Variants in GLIPR1 observed in about 807,000 individuals in gnomAD.
GLIPR1 encodes the protein glioma pathogenesis-related protein 1.
GLIPR1 carries 38 observed loss-of-function variants against 30.3 expected under a neutral mutation model. The ratio of observed to expected loss-of-function variants is 1.26; its 90% CI spans 0.97 to 1.65. The LOEUF (loss-of-function observed/expected upper bound fraction) is 1.65, where lower values mean the gene tolerates loss of function less well. Ranked by LOEUF, GLIPR1 falls within the 40% of genes most tolerant of loss-of-function variation. The pLI, the probability that GLIPR1 is intolerant of heterozygous loss-of-function variation, is 0.00. For synonymous variants in GLIPR1, 122 were observed against 110.6 expected, an observed-to-expected ratio of 1.10 and a Z score of -0.65; for missense variants, 285 against 326.5, an observed-to-expected ratio of 0.87 and a Z score of 0.98.
Position 75,500,042 on chromosome 12 carries a change from G to C in GLIPR1, c.*1064G>C. On this transcript the variant is annotated 3_prime_UTR_variant, in exon 6 of 6. Transcript: ENST00000266659. ...TGTTTAACAAAGAATATATGTTTAA[G>C]GCAGTTAACTTCAGAGTATTCTTAT... 1 of 974,694 alleles carries C rather than the reference G, an allele frequency of 1.0e-6. No individual in the cohort carries two copies. Among genetic ancestry groups the C allele is most frequent in the Non-Finnish European group, 1.5e-6 (1 of 670,984 alleles). The allele number at this position is 974,694 out of a possible 1,614,324, so 60.4% of individuals were successfully genotyped here. A position where few individuals can be genotyped will look rare whatever the true frequency, so the allele number is the denominator to read the frequency against.
intron 4 of GLIPR1, chr12:75,498,442 A>AT: frequency 2.8e-6 from 1 of 363,120 alleles, no homozygotes; most frequent in Non-Finnish European, 4.9e-6. Context: ...GTGTAAAATG[A>AT]TTTTCCATTT....
chr12:75,484,252 C>T (rs190519755), intron 2 of GLIPR1: 77 of 152,280 alleles, frequency 5.1e-4, no homozygotes, highest in African/African-American at 1.8e-3. Flanking sequence ...GGAGAATGTC[C>T]AAGAACCCCC....
chr12:75,501,556 A>AAATT lies in GLIPR1; in HGVS notation c.*2580_*2583dup, dbSNP rs2046394176. The AAATT allele has an allele frequency of 1.7e-6, 1 of 583,586 alleles. No individual in the cohort carries two copies. Among genetic ancestry groups the AAATT allele is most frequent in the African/African-American group, 1.9e-5 (1 of 53,540 alleles). The allele number at this position is 583,586 out of a possible 1,614,324, so 36.2% of individuals were successfully genotyped here. A position where few individuals can be genotyped will look rare whatever the true frequency, so the allele number is the denominator to read the frequency against. On this transcript the variant is annotated 3_prime_UTR_variant, in exon 6 of 6. Transcript: ENST00000266659. ...ACTGAAATAGGCATTAGCTGCCTCTAAATTATAAATTATCTCAGCCATCCC... is the reference window on the plus strand; with the variant it reads ...ACTGAAATAGGCATTAGCTGCCTCTAAATTAATTATAAATTATCTCAGCCATCCC...
intron 5 of GLIPR1, 33 bp from the exon 6 acceptor site, chr12:75,498,791 T>A: frequency 4.3e-6 from 7 of 1,611,082 alleles, no homozygotes; most frequent in Non-Finnish European, 5.9e-6. Context: ...TGAGGAACAA[T>A]GTCTAAGAGG....
rs1167853251 is a variant in GLIPR1, at chr12:75,503,830, C to G, written c.*4852C>G. Reference sequence around the variant, plus strand: ...ATATACACATATCCCACCTGAAATACTTTCAATAAAGTTTCTGACCAAATA... The same window carrying G: ...ATATACACATATCCCACCTGAAATAGTTTCAATAAAGTTTCTGACCAAATA... On this transcript the variant is annotated 3_prime_UTR_variant, in exon 6 of 6. Coordinates refer to ENST00000266659, the MANE Select transcript of GLIPR1 (RefSeq NM_006851.3). 1 of 1,331,862 alleles carries G rather than the reference C, an allele frequency of 7.5e-7. No homozygotes were observed. The allele number at this position is 1,331,862 out of a possible 1,614,324, so 82.5% of individuals were successfully genotyped here. A position where few individuals can be genotyped will look rare whatever the true frequency, so the allele number is the denominator to read the frequency against.
intron 2 of GLIPR1, chr12:75,483,964 G>C (rs1208831630): frequency 6.6e-6 from 1 of 151,874 alleles, no homozygotes; most frequent in African/African-American, 2.4e-5. Flanking sequence ...ACCATTCCAG[G>C]AAATCGAAAG....
chr12:75,501,868 A>ATTCAAGTATC lies in GLIPR1; in HGVS notation c.*2892_*2901dup, dbSNP rs752217051. The ATTCAAGTATC allele has an allele frequency of 6.3e-7, 1 of 1,580,748 alleles. No homozygotes were observed. The highest frequency in any genetic ancestry group is 1.4e-5 in the African/African-American group (1 of 74,070). On this transcript the variant is annotated 3_prime_UTR_variant, in exon 6 of 6. Transcript: ENST00000266659. ...AGTTAAATGTATTTATAGTTAAATA[A>ATTCAAGTATC]TTCAAGTATCTATGAACTTTGCTAT...
In GLIPR1 at chr12:75,499,943, C is replaced by T; in HGVS notation, c.*965C>T. 6.3e-7 allele frequency: 1 copy of T among 1,599,220 alleles called. No individual in the cohort carries two copies. The highest frequency in any genetic ancestry group is 1.1e-5 in the South Asian group (1 of 87,864). On this transcript the variant is annotated 3_prime_UTR_variant, in exon 6 of 6. Transcript: ENST00000266659. ...ATGCTGGCCACATCAATTTTAGTTT[C>T]AGTAGAAGCTAGACAAATTAAAAGC...
At chr12:75,490,343 C>A in intron 2 of GLIPR1, 63 bp from the exon 3 acceptor site, 1 of 907,778 alleles carries the variant, frequency 1.1e-6, no homozygotes, top group Non-Finnish European at 1.8e-6. Flanking sequence ...TTTATGAAGA[C>A]CTAATCATAC....
Position 75,501,888 on chromosome 12 carries a change from T to G in GLIPR1, c.*2910T>G. ...AAATAATTCAAGTATCTATGAACTT[T>G]GCTATTCATGTGAGCCAGACATAAA... On this transcript the variant is annotated 3_prime_UTR_variant, in exon 6 of 6. Coordinates refer to ENST00000266659, the MANE Select transcript of GLIPR1 (RefSeq NM_006851.3). 1 of 1,595,934 alleles carries G rather than the reference T, an allele frequency of 6.3e-7. No homozygotes were observed.
intron 2 of GLIPR1, among the ~76,000 whole-genome samples, chr12:75,489,552 C>T (rs1425244376): frequency 6.6e-6 from 1 of 152,078 alleles, no homozygotes; most frequent in East Asian, 1.9e-4. Context: ...CACGCTCCCA[C>T]CTACCCTCCT....
At chr12:75,487,729 C>A (rs988515078) in intron 2 of GLIPR1, 29 of 455,670 alleles carry the variant, frequency 6.4e-5, no homozygotes. Flanking sequence ...ACTTCCTACT[C>A]TCCCTCCAGG....
At chr12:75,486,923 A>G (rs2046296157) in intron 2 of GLIPR1, among the ~76,000 whole-genome samples, 1 of 152,174 alleles carries the variant, frequency 6.6e-6, no homozygotes, top group Admixed American at 6.5e-5. Flanking sequence ...ATTCATAGAA[A>G]TGTACATCTA....
rs1254553489 is a variant in GLIPR1, at chr12:75,503,408, T to C, written c.*4430T>C. On this transcript the variant is annotated 3_prime_UTR_variant, in exon 6 of 6. Transcript: ENST00000266659. ...CTTTGCTGAGAAGGTGGGACAGAAG[T>C]AAAAAGGGGCATGAATCAAAACAAT... 6.6e-6 allele frequency: 1 copy of C among 151,772 alleles called. No individual in the cohort carries two copies. The highest frequency in any genetic ancestry group is 1.5e-5 in the Non-Finnish European group (1 of 67,914). The allele number at this position is 151,772 out of a possible 1,614,324, so 9.4% of individuals were successfully genotyped here. A position where few individuals can be genotyped will look rare whatever the true frequency, so the allele number is the denominator to read the frequency against.
intron 2 of GLIPR1, among the ~76,000 whole-genome samples, chr12:75,489,417 T>C (rs1279958498): frequency 6.6e-6 from 1 of 152,214 alleles, no homozygotes; most frequent in Non-Finnish European, 1.5e-5. Flanking sequence ...CTAATCTTGC[T>C]CCATGTCTTC....
intron 3 of GLIPR1, chr12:75,492,897 G>A (rs1160509304): frequency 6.6e-6 from 1 of 152,158 alleles, no homozygotes; most frequent in Non-Finnish European, 1.5e-5. Context: ...ACTATCAATA[G>A]GCAAGGCCCC....
rs189455615 is a variant in GLIPR1, at chr12:75,483,087, C to T, written c.420+1008C>T. Among the ~76,000 whole-genome samples the T allele has an allele frequency of 2.4e-3, 314 of 132,004 alleles. 3 individuals are homozygous for T. The highest frequency in any genetic ancestry group is 6.3e-3 in the Admixed American group (85 of 13,448). 86.6% of individuals were successfully genotyped at this position (132,004 alleles called of 152,430 possible). On this transcript the variant is annotated intron_variant, in intron 2 of 5. Transcript: ENST00000266659. ...GCCTTACAAAGCCTGTGATCTCATTCGTGGTGCTACAGATGAACCAAGTTT... is the reference window on the plus strand; with the variant it reads ...GCCTTACAAAGCCTGTGATCTCATTTGTGGTGCTACAGATGAACCAAGTTT...
chr12:75,495,827 A>G (rs2046347289), intron 4 of GLIPR1, 165 bp downstream of exon 4: 2 of 448,300 alleles, frequency 4.5e-6, no homozygotes, highest in Non-Finnish European at 8.2e-6. Context: ...TACATTTAAG[A>G]GAAATTTAAA....
At chr12:75,488,453 C>T (rs1482103306) in intron 2 of GLIPR1, among the ~76,000 whole-genome samples, 4 of 152,118 alleles carry the variant, frequency 2.6e-5, no homozygotes, top group African/African-American at 9.7e-5. Flanking sequence ...AGGAGAATCG[C>T]TTGAACCTGG....
Sources: allele counts gnomAD v4.1 joint callset (sites outside exome capture counted in the v4.1 genomes callset), GRCh38; gene constraint gnomAD v4.1.1; transcripts MANE v1.5; gene names NCBI Gene and HGNC (gene_info 2026-07-23, HGNC 2026-07-21).